Variants in DMD observed in about 807,000 individuals in gnomAD.
DMD encodes the protein dystrophin.
Under a neutral mutation model 330.1 loss-of-function variants are expected in DMD, and 63 were observed. That is an observed-to-expected ratio of 0.19 (90% CI 0.16 to 0.24). The LOEUF (loss-of-function observed/expected upper bound fraction) is 0.24, where lower values mean the gene tolerates loss of function less well. Among genes scored for constraint, DMD ranks in the 10% least tolerant of loss-of-function variants. The probability of loss-of-function intolerance (pLI) is 1.00; values close to 1 mark genes in which losing one functional copy is unlikely to be tolerated. For missense variants in DMD, 3,344 were observed against 2,684.1 expected, an observed-to-expected ratio of 1.25 and a Z score of -5.43; for synonymous variants, 1,223 against 959.8, an observed-to-expected ratio of 1.27 and a Z score of -5.07.
intron 57 of DMD, among the ~76,000 whole-genome samples, chrX:31,493,304 CA>C (rs1214738691): frequency 2.7e-5 from 3 of 111,916 alleles, no homozygotes; most frequent in Non-Finnish European, 5.6e-5. Context: ...CAAATAGTAA[CA>C]CATGTACGTG....
chrX:33,312,696 T>C (rs2053868238), intron 1 of DMD, among the ~76,000 whole-genome samples: 1 of 111,971 alleles, frequency 8.9e-6, no homozygotes, highest in Non-Finnish European at 1.9e-5. Flanking sequence ...CCTCTGCTCA[T>C]AACATTTTTG....
rs748034585 is a variant in DMD, at chrX:31,713,968, T to C, written c.7660+15663A>G. ...TAATTCAGTCACAGCCTCCGGGAAA[T>C]GAATAAAATAATCTCACTCTAGGTT... is the stretch of plus-strand genomic sequence containing the variant. On this transcript the variant is annotated intron_variant, in intron 52 of 78. Coordinates refer to ENST00000357033, the MANE Select transcript of DMD (RefSeq NM_004006.3). 2.2e-4 allele frequency among the ~76,000 whole-genome samples: 25 copies of C among 111,928 alleles called. No individual in the cohort carries two copies. The East Asian group carries it at 6.1e-3, about 27-fold the overall frequency.
intron 2 of DMD, among the ~76,000 whole-genome samples, chrX:32,862,341 C>T (rs1462059672): frequency 1.8e-5 from 2 of 111,981 alleles, no homozygotes; most frequent in African/African-American, 6.5e-5. Flanking sequence ...ATGATTCAAA[C>T]AGATGTGCAT....
At chrX:31,236,551 A>G (rs768998837) in intron 63 of DMD, among the ~76,000 whole-genome samples, 12 of 112,383 alleles carry the variant, frequency 1.1e-4, no homozygotes, top group Non-Finnish European at 2.3e-4. Context: ...AAACAATTTT[A>G]TAACAGAGGG....
intron 37 of DMD, among the ~76,000 whole-genome samples, chrX:32,355,007 C>T (rs1333719070): frequency 9.0e-6 from 1 of 111,217 alleles, no homozygotes; most frequent in Non-Finnish European, 1.9e-5. Context: ...AAAGTAAAAA[C>T]ATAACACTTT....
At chrX:32,430,097 G>A (rs2098231956) in intron 29 of DMD, among the ~76,000 whole-genome samples, 1 of 110,103 alleles carries the variant, frequency 9.1e-6, no homozygotes, top group Non-Finnish European at 1.9e-5. Flanking sequence ...CTAGGTTGAC[G>A]GTAATTTTTT....
chrX:32,073,597 A>G (rs962277602), intron 44 of DMD, among the ~76,000 whole-genome samples: 3 of 111,830 alleles, frequency 2.7e-5, no homozygotes, highest in African/African-American at 3.2e-5. Context: ...CCCACTTGCA[A>G]AATGAATGGG....
chrX:32,821,843 T>C (rs1257120731), intron 5 of DMD, among the ~76,000 whole-genome samples: 2 of 110,363 alleles, frequency 1.8e-5, no homozygotes, highest in Non-Finnish European at 1.9e-5. Flanking sequence ...AACTTCTTTT[T>C]AAGGTGGTGG....
intron 34 of DMD, among the ~76,000 whole-genome samples, chrX:32,372,189 C>T (rs2097881360): frequency 9.0e-6 from 1 of 111,567 alleles, no homozygotes; most frequent in Non-Finnish European, 1.9e-5. Context: ...TTTCTCTTCT[C>T]TCAAGAACTG....
chrX:31,875,422 G>A, intron 47 of DMD, 49 bp from the exon 48 acceptor site: 1 of 949,896 alleles, frequency 1.1e-6, no homozygotes, highest in Non-Finnish European at 1.5e-6. Context: ...CAAGGCATAA[G>A]CCAAAATGTT....
intron 57 of DMD, among the ~76,000 whole-genome samples, chrX:31,480,554 T>TTGTG (rs60621342): frequency 0.086 from 7,835 of 91,230 alleles, 339 homozygotes; most frequent in Middle Eastern, 0.13. Context: ...ATCTCCATGT[T>TTGTG]TGTGTGTGTG....
chrX:31,296,118 A>G (rs1426392349), intron 62 of DMD, among the ~76,000 whole-genome samples: 1 of 110,968 alleles, frequency 9.0e-6, no homozygotes, highest in Non-Finnish European at 1.9e-5. Context: ...GGTGTTAAAC[A>G]TTGAACATGG....
chrX:32,600,587 A>AACACGC (rs1380260257), intron 12 of DMD, among the ~76,000 whole-genome samples: 3 of 69,607 alleles, frequency 4.3e-5, no homozygotes, highest in Non-Finnish European at 7.2e-5. Context: ...CACACACACA[A>AACACGC]ACACGCACAC....
chrX:32,935,113 G>T (rs1830551), intron 2 of DMD, among the ~76,000 whole-genome samples: 1 of 111,663 alleles, frequency 9.0e-6, no homozygotes, highest in African/African-American at 3.2e-5. Flanking sequence ...CGAGTAGCTG[G>T]GACTACAGGC....
rs745317182 is a variant in DMD, at chrX:31,144,741, CAGGGAAAAGTAAGG to C, written c.10921+1536_10921+1549del. Among the ~76,000 whole-genome samples, 4 of 111,268 alleles carry C rather than the reference CAGGGAAAAGTAAGG, an allele frequency of 3.6e-5. No homozygotes were observed. In the East Asian group the frequency reaches 1.1e-3, roughly 32 times the overall value. On this transcript the variant is annotated intron_variant, in intron 76 of 78. Transcript: ENST00000357033. ...CCAAGTATATAACCAGTTTAGGTCCCAGGGAAAAGTAAGGAGAGAGGATGGAGCTGACTCCTACT... is the reference window on the plus strand; with the variant it reads ...CCAAGTATATAACCAGTTTAGGTCCCAGAGAGGATGGAGCTGACTCCTACT...
chrX:32,968,737 G>A (rs1265361230), intron 2 of DMD, among the ~76,000 whole-genome samples: 1 of 108,571 alleles, frequency 9.2e-6, no homozygotes, highest in Non-Finnish European at 1.9e-5. Context: ...CCTCGTAAAA[G>A]AGAACCTACA....
intron 22 of DMD, among the ~76,000 whole-genome samples, chrX:32,471,164 G>A (rs1042737997): frequency 3.6e-5 from 4 of 110,953 alleles, no homozygotes; most frequent in Non-Finnish European, 7.5e-5. Flanking sequence ...TATAATCCCA[G>A]CTACTCAGGA....
At chrX:32,793,363 T>C (rs1470192430) in intron 7 of DMD, among the ~76,000 whole-genome samples, 1 of 110,061 alleles carries the variant, frequency 9.1e-6, no homozygotes, top group Non-Finnish European at 1.9e-5. Context: ...TCTAACAAAG[T>C]ACTTCAAGGA....
At chrX:31,339,121 C>G (rs1025415206) in intron 61 of DMD, among the ~76,000 whole-genome samples, 11 of 110,830 alleles carry the variant, frequency 9.9e-5, no homozygotes, top group African/African-American at 3.6e-4. Context: ...CCAGCCCCAG[C>G]ACAGAAATTC....
Sources: gnomAD v4.1 joint callset for allele counts (sites outside exome capture counted in the v4.1 genomes callset) on GRCh38, gnomAD v4.1.1 for gene constraint, MANE v1.5 for transcripts, NCBI Gene and HGNC (gene_info 2026-07-23, HGNC 2026-07-21) for gene names.